The following FOCAD variants were observed in gnomAD, a reference collection of about 807,000 sequenced individuals.
The protein encoded by FOCAD is focadhesin.
In FOCAD, 198 loss-of-function variants were observed where a neutral mutation model predicts 225.6. That is an observed-to-expected ratio of 0.88 (90% CI 0.78 to 0.99). The LOEUF (loss-of-function observed/expected upper bound fraction) is 0.99. Ranked by LOEUF, FOCAD falls within the 50% of genes least tolerant of loss-of-function variation. The pLI is 0.00. For synonymous variants in FOCAD, 897 were observed against 755.0 expected (o/e 1.19, Z -3.08); for missense variants, 2,713 against 2,123.6 (o/e 1.28, Z -5.46).
chr9:20,994,340 C>G (rs1032659010), intron 43 of FOCAD, among the ~76,000 whole-genome samples: 6 of 152,216 alleles, frequency 3.9e-5, no homozygotes, highest in Admixed American at 3.9e-4. Context: ...GCCGTATGGA[C>G]TACAACAGCT....
At chr9:20,876,476 A>C (rs184833255) in intron 19 of FOCAD, among the ~76,000 whole-genome samples, 16 of 152,242 alleles carry the variant, frequency 1.1e-4, no homozygotes, top group Non-Finnish European at 7.4e-5. Flanking sequence ...TTGTCTTCTC[A>C]GTACAGAATG....
chr9:20,684,272 C>G lies in FOCAD; in HGVS notation c.-54C>G, dbSNP rs1822519017. The G allele has an allele frequency of 6.6e-6, 1 of 152,422 alleles. No homozygotes were observed. Among genetic ancestry groups the G allele is most frequent in the African/African-American group, 2.4e-5 (1 of 41,456 alleles). 9.4% of individuals were successfully genotyped at this position (152,422 alleles called of 1,614,324 possible). On this transcript the variant is annotated 5_prime_UTR_variant, in exon 1 of 44. Coordinates refer to ENST00000338382, the MANE Select transcript of FOCAD (RefSeq NM_001375567.1). ...GCCACGTCAGGCAGCCGGCGCTGGG[C>G]TGAGCTTGTGGCAGAAGGGAGGTAA...
chr9:20,951,026 C>T lies in FOCAD; in HGVS notation c.3979C>T (p.Gln1327Ter), dbSNP rs1374487788. 6.2e-7 allele frequency: 1 copy of T among 1,613,506 alleles called. No homozygotes were observed. The highest frequency in any genetic ancestry group is 1.1e-5 in the South Asian group (1 of 91,028). Residue 1327 changes from glutamine (Q) to a stop codon, truncating the protein, a stop_gained, in exon 34 of 44, where the codon CAG becomes TAG. Coordinates refer to ENST00000338382, the MANE Select transcript of FOCAD (RefSeq NM_001375567.1). LOFTEE classifies it high-confidence loss of function. ...VISVSGVIGL[Q>*]SNAVWLLGHL... ...TAGTGTCTCTGGGGTGATTGGTCTC[C>T]AGTCAAATGCAGTCTGGCTTCTTGG...
intron 14 of FOCAD, 98 bp downstream of exon 14, chr9:20,821,169 G>C: frequency 8.9e-7 from 1 of 1,121,800 alleles, no homozygotes; most frequent in Admixed American, 2.5e-5. Flanking sequence ...ATAGGCAGAG[G>C]ATATATAAGT....
intron 43 of FOCAD, 38 bp downstream of exon 43, chr9:20,993,366 A>C: frequency 6.5e-7 from 1 of 1,528,146 alleles, no homozygotes. Context: ...ATAGGGGAAA[A>C]ACCATTATTG....
intron 21 of FOCAD, among the ~76,000 whole-genome samples, chr9:20,887,445 G>A (rs988770488): frequency 2.6e-5 from 4 of 152,054 alleles, no homozygotes; most frequent in African/African-American, 9.7e-5. Context: ...ATGTTGGCCA[G>A]GCTGATCTCG....
intron 11 of FOCAD, among the ~76,000 whole-genome samples, chr9:20,795,309 A>T (rs1820935617): frequency 6.6e-6 from 1 of 152,220 alleles, no homozygotes; most frequent in Admixed American, 6.5e-5. Context: ...ATAAAATAAG[A>T]TTTTAGGAGC....
chr9:20,812,803 G>A (rs1409818359), intron 11 of FOCAD, among the ~76,000 whole-genome samples: 2 of 152,002 alleles, frequency 1.3e-5, no homozygotes, highest in East Asian at 1.9e-4. Context: ...AAATAAAGTT[G>A]TTAAGCTAAA....
At chr9:20,719,451 A>G (rs1825606275) in intron 3 of FOCAD, among the ~76,000 whole-genome samples, 1 of 151,832 alleles carries the variant, frequency 6.6e-6, no homozygotes, top group South Asian at 2.1e-4. Flanking sequence ...CAAATTATAT[A>G]TTTCCCTAAT....
rs571726384 is a variant in FOCAD, at chr9:20,718,424, C to T, written c.132+556C>T. 3.4e-5 allele frequency among the ~76,000 whole-genome samples: 5 copies of T among 147,912 alleles called. 1 individual carries two copies. The highest frequency in any genetic ancestry group is 1.3e-4 in the African/African-American group (5 of 39,866). Reference sequence around the variant, plus strand: ...GGTTGATCAGTGTTGTGTGTTTTGACCTGCTAGTTGGGAAACTCTTCTTTT... The same window carrying T: ...GGTTGATCAGTGTTGTGTGTTTTGATCTGCTAGTTGGGAAACTCTTCTTTT... On this transcript the variant is annotated intron_variant, in intron 3 of 43. Transcript: ENST00000338382.
intron 11 of FOCAD, among the ~76,000 whole-genome samples, chr9:20,815,138 T>G (rs1480938253): frequency 3.2e-5 from 1 of 31,262 alleles, no homozygotes; most frequent in African/African-American, 1.4e-4. Flanking sequence ...TTTTTTTTTG[T>G]TTTTTTTTTT....
intron 11 of FOCAD, among the ~76,000 whole-genome samples, chr9:20,818,771 G>C (rs750185749): frequency 1.3e-5 from 2 of 151,904 alleles, no homozygotes; most frequent in Non-Finnish European, 1.5e-5. Flanking sequence ...GATTACTTTA[G>C]CTTTGTGGTA....
intron 19 of FOCAD, among the ~76,000 whole-genome samples, chr9:20,880,855 T>G (rs1830611111): frequency 6.6e-6 from 1 of 152,214 alleles, no homozygotes; most frequent in Non-Finnish European, 1.5e-5. Flanking sequence ...ATGATTTGTT[T>G]AGCTTTAATG....
intron 11 of FOCAD, among the ~76,000 whole-genome samples, chr9:20,804,100 C>T (rs781312674): frequency 1.3e-5 from 2 of 152,016 alleles, no homozygotes; most frequent in Non-Finnish European, 1.5e-5. Flanking sequence ...TCGATTCACA[C>T]CTTTTCCTTT....
intron 2 of FOCAD, among the ~76,000 whole-genome samples, chr9:20,673,420 G>A (rs1053838362): frequency 2.6e-5 from 4 of 151,914 alleles, no homozygotes; most frequent in South Asian, 4.1e-4. Context: ...TCTCTGCATC[G>A]GCATCATTTA....
At chr9:20,854,479 A>G (rs1303469163) in intron 15 of FOCAD, among the ~76,000 whole-genome samples, 2 of 151,714 alleles carry the variant, frequency 1.3e-5, no homozygotes, top group Non-Finnish European at 3.0e-5. Flanking sequence ...TGACTTCACC[A>G]TAGTCACACA....
At chr9:20,809,956 AAT>A (rs1385491808) in intron 11 of FOCAD, among the ~76,000 whole-genome samples, 1 of 152,186 alleles carries the variant, frequency 6.6e-6, no homozygotes, top group South Asian at 2.1e-4. Context: ...TTTAAAGCAA[AAT>A]GTGGAATGAT....
intron 1 of FOCAD, among the ~76,000 whole-genome samples, chr9:20,713,653 C>T (rs1366559872): frequency 1.3e-5 from 2 of 152,142 alleles, no homozygotes; most frequent in Non-Finnish European, 2.9e-5. Flanking sequence ...ACTGATATAA[C>T]TCAAGCACCT....
chr9:20,703,013 A>G (rs1172454900), intron 1 of FOCAD, among the ~76,000 whole-genome samples: 1 of 152,202 alleles, frequency 6.6e-6, no homozygotes, highest in Non-Finnish European at 1.5e-5. Context: ...TCTCACAAAA[A>G]AAACAAAACA....
Sources: allele counts gnomAD v4.1 joint callset (sites outside exome capture counted in the v4.1 genomes callset), GRCh38; gene constraint gnomAD v4.1.1; transcripts MANE v1.5; gene names NCBI Gene and HGNC (gene_info 2026-07-23, HGNC 2026-07-21).